The following GPR19 variants were observed in gnomAD, a reference collection of about 807,000 sequenced individuals.
The protein encoded by GPR19 is G protein-coupled receptor 19.
Under a neutral mutation model 28.5 loss-of-function variants are expected in GPR19, and 14 were observed. The ratio of observed to expected loss-of-function variants is 0.49; its 90% CI spans 0.32 to 0.77. GPR19 has a LOEUF of 0.77. GPR19 is among the 30% of genes least tolerant of loss of function. The pLI is 0.03. For synonymous variants in GPR19, 173 were observed against 184.1 expected (o/e 0.94, Z 0.49); for missense variants, 409 against 504.1 (o/e 0.81, Z 1.81).
At chr12:12,680,694 CTT>C (rs113142716) in intron 3 of GPR19, among the ~76,000 whole-genome samples, 1 of 139,680 alleles carries the variant, frequency 7.2e-6, no homozygotes. Flanking sequence ...CTCCCTATGA[CTT>C]TTTTTTTTTT....
the GPR19 span, among the ~76,000 whole-genome samples, chr12:12,712,241 C>T: frequency 6.6e-6 from 1 of 152,250 alleles, no homozygotes; most frequent in Non-Finnish European, 1.5e-5. Context: ...CATCTCCCCA[C>T]ATCCCACTGG....
At chr12:12,688,104 T>A (rs1490646245) in intron 2 of GPR19, among the ~76,000 whole-genome samples, 1 of 152,182 alleles carries the variant, frequency 6.6e-6, no homozygotes, top group Non-Finnish European at 1.5e-5. Flanking sequence ...GATGAAAAGT[T>A]GTTGAACGGG....
intron 2 of GPR19, among the ~76,000 whole-genome samples, chr12:12,692,703 G>GTT (rs202077443): frequency 5.1e-4 from 75 of 146,830 alleles, no homozygotes; most frequent in Non-Finnish European, 8.4e-4. Flanking sequence ...TGTTTTTTTT[G>GTT]TTTTTTTTTT....
upstream of GPR19, among the ~76,000 whole-genome samples, chr12:12,698,482 C>T (rs181037744): frequency 2.0e-5 from 3 of 152,290 alleles, no homozygotes; most frequent in East Asian, 5.8e-4. Context: ...ATTGTGACCC[C>T]AGGACAAATG....
At position 12,686,804 on chromosome 12, in the gene GPR19, T is replaced by A. The variant is rs1262326586; in HGVS notation, c.-179-2297A>T. On this transcript the variant is annotated intron_variant, in intron 2 of 3. Coordinates refer to ENST00000651487, the MANE Select transcript of GPR19 (RefSeq NM_006143.3). ...TACTATGGCCCCTTGACATAAGAAATCACAAAGATTGCTTTAAATTATTTG... is the reference window on the plus strand; with the variant it reads ...TACTATGGCCCCTTGACATAAGAAAACACAAAGATTGCTTTAAATTATTTG... Among the ~76,000 whole-genome samples the A allele has an allele frequency of 2.0e-5, 3 of 152,172 alleles. No homozygotes were observed. The East Asian group carries it at 5.8e-4, about 29-fold the overall frequency.
intron 1 of GPR19, 68 bp from the exon 2 acceptor site, chr12:12,695,579 TA>T (rs954828260): frequency 2.0e-5 from 3 of 152,254 alleles, no homozygotes; most frequent in Non-Finnish European, 4.4e-5. Flanking sequence ...TGACTTCTGT[TA>T]CCGCGACTGT....
chr12:12,713,997 C>T, the GPR19 span, among the ~76,000 whole-genome samples: 2 of 152,320 alleles, frequency 1.3e-5, no homozygotes, highest in South Asian at 4.1e-4. Flanking sequence ...TGTCTCCTCT[C>T]CCCTTTTTGG....
Position 12,661,937 on chromosome 12 carries a change from A to G in GPR19, c.512T>C (p.Leu171Pro), listed in dbSNP as rs1465363869. The G allele has an allele frequency of 6.2e-7, 1 of 1,614,124 alleles. No homozygotes were observed. The highest frequency in any genetic ancestry group is 2.2e-5 in the East Asian group (1 of 44,902). The stretch of plus-strand genomic sequence containing the variant: ...TTTTTCTCTGGACACCTTGAAGCTC[A>G]GAGGATAGACGATGGTGTAGAACCG... ...IDRFYTIVYP[L>P]SFKVSREKAK... The change falls in exon 4 of 4, where the codon CTG becomes CCG. Residue 171 changes from leucine to proline, a missense_variant. Transcript: ENST00000651487. This position sits in a 1 kb window ranked among gnomAD's most constrained non-coding sequence, Gnocchi z 4.2.
At chr12:12,686,218 G>A (rs966861288) in intron 2 of GPR19, among the ~76,000 whole-genome samples, 1 of 152,202 alleles carries the variant, frequency 6.6e-6, no homozygotes, top group African/African-American at 2.4e-5. Context: ...TGTAAGCAAA[G>A]AGGTGGCACA....
At position 12,690,967 on chromosome 12, in the gene GPR19, A is replaced by G. The variant is rs568092220; in HGVS notation, c.-180+4492T>C. ...TTCTGCATTCGAGTCTTAACCATATATAAGTGTTACTGTGGCTTCAAAGAA... is the reference window on the plus strand; with the variant it reads ...TTCTGCATTCGAGTCTTAACCATATGTAAGTGTTACTGTGGCTTCAAAGAA... On this transcript the variant is annotated intron_variant, in intron 2 of 3. Transcript: ENST00000651487. Among the ~76,000 whole-genome samples, 131 of 152,298 alleles carry G rather than the reference A, an allele frequency of 8.6e-4. No individual in the cohort carries two copies. In the Middle Eastern group the frequency reaches 0.017, roughly 20 times the overall value.
chr12:12,707,122 T>C, the GPR19 span, among the ~76,000 whole-genome samples: 1 of 152,314 alleles, frequency 6.6e-6, no homozygotes, highest in East Asian at 1.9e-4. Context: ...TTATTGTCCC[T>C]CAACTATCCC....
chr12:12,685,639 A>C lies in GPR19; in HGVS notation c.-179-1132T>G, dbSNP rs910685578. Among the ~76,000 whole-genome samples, 7 of 152,316 alleles carry C rather than the reference A, an allele frequency of 4.6e-5. No homozygotes were observed. In the South Asian group the frequency reaches 1.4e-3, roughly 32 times the overall value. Reference sequence around the variant, plus strand: ...GATTTAAACAGTATTCTCAGAGCCAAATTGGATTGCTGTCGGTCCTAAATC... The same window carrying C: ...GATTTAAACAGTATTCTCAGAGCCACATTGGATTGCTGTCGGTCCTAAATC... On this transcript the variant is annotated intron_variant, in intron 2 of 3. Coordinates refer to ENST00000651487, the MANE Select transcript of GPR19 (RefSeq NM_006143.3).
chr12:12,695,656 C>T (rs2136339393), intron 1 of GPR19, 145 bp from the exon 2 acceptor site: 1 of 152,328 alleles, frequency 6.6e-6, no homozygotes, highest in Middle Eastern at 3.4e-3. Context: ...CATTCCATTC[C>T]ATTAGGGGCG....
upstream of GPR19, among the ~76,000 whole-genome samples, chr12:12,698,817 G>C (rs1946297047): frequency 1.3e-5 from 2 of 151,530 alleles, no homozygotes; most frequent in South Asian, 4.2e-4. Flanking sequence ...TCACCATGTT[G>C]GCCAGGCTAG....
the GPR19 span, among the ~76,000 whole-genome samples, chr12:12,702,724 A>C: frequency 6.6e-6 from 1 of 152,234 alleles, no homozygotes; most frequent in Non-Finnish European, 1.5e-5. Flanking sequence ...GTCACATTTA[A>C]AGTCCTGAGA....
In GPR19 at chr12:12,661,277, T is replaced by TCATA; in HGVS notation, c.1168_1171dup (p.Asp391ValfsTer2). Reference sequence around the variant, plus strand: ...TTCCTTGGCTTCTCTGTCAAATGAGTCATAGATCGAGTCTTTGGTAATAGT... The same window carrying TCATA: ...TTCCTTGGCTTCTCTGTCAAATGAGTCATACATAGATCGAGTCTTTGGTAATAGT... On this transcript the variant is annotated stop_gained and frameshift_variant, in exon 4 of 4. Coordinates refer to ENST00000651487, the MANE Select transcript of GPR19 (RefSeq NM_006143.3). LOFTEE classifies it high-confidence loss of function. The surrounding 1 kb of genome is among the most constrained non-coding windows in gnomAD (Gnocchi z 4.2). The TCATA allele has an allele frequency of 1.2e-6, 2 of 1,613,614 alleles. No individual in the cohort carries two copies. Among genetic ancestry groups the TCATA allele is most frequent in the Non-Finnish European group, 1.7e-6 (2 of 1,179,546 alleles).
intron 3 of GPR19, among the ~76,000 whole-genome samples, chr12:12,670,732 C>T (rs1223890386): frequency 6.6e-6 from 1 of 152,160 alleles, no homozygotes; most frequent in Non-Finnish European, 1.5e-5. Context: ...TATTACACAT[C>T]ACATACTATA....
intron 1 of GPR19, 87 bp from the exon 2 acceptor site, chr12:12,695,598 A>G (rs987852090): frequency 6.6e-6 from 1 of 152,238 alleles, no homozygotes; most frequent in Non-Finnish European, 1.5e-5. Context: ...TGTTCTTCGC[A>G]ATTCCACCTC....
chr12:12,705,163 G>GA, the GPR19 span, among the ~76,000 whole-genome samples: 1 of 143,854 alleles, frequency 7.0e-6, no homozygotes, highest in Non-Finnish European at 1.5e-5. Context: ...ACCCAGGCTG[G>GA]AGTGCAGTGG....
Sources: gnomAD v4.1 joint callset for allele counts (sites outside exome capture counted in the v4.1 genomes callset) on GRCh38, gnomAD v4.1.1 for gene constraint, Gnocchi (gnomAD v3.1) non-coding constraint, MANE v1.5 for transcripts, NCBI Gene and HGNC (gene_info 2026-07-23, HGNC 2026-07-21) for gene names.